Variants in PLEKHA5 observed in about 807,000 individuals in gnomAD.
PLEKHA5 encodes the protein pleckstrin homology domain containing A5, also known as pleckstrin homology domain-containing family A member 5.
PLEKHA5 carries 55 observed loss-of-function variants against 181.9 expected under a neutral mutation model. The observed-to-expected ratio is 0.30, with a 90% CI of 0.24 to 0.38. The LOEUF (loss-of-function observed/expected upper bound fraction) is 0.38. PLEKHA5 is among the 10% of genes least tolerant of loss of function. The pLI is 1.00. For synonymous variants in PLEKHA5, 535 were observed against 529.4 expected (o/e 1.01, Z -0.15); for missense variants, 1,432 against 1,549.5 (o/e 0.92, Z 1.27).
intron 16 of PLEKHA5, among the ~76,000 whole-genome samples, chr12:19,315,155 T>C (rs920323653): frequency 5.9e-5 from 9 of 152,202 alleles, no homozygotes; most frequent in Non-Finnish European, 8.8e-5. Flanking sequence ...TTGATTGATA[T>C]GTACTTGGAG....
chr12:19,225,078 T>C (rs1391329791), intron 3 of PLEKHA5, among the ~76,000 whole-genome samples: 1 of 152,146 alleles, frequency 6.6e-6, no homozygotes, highest in Admixed American at 6.5e-5. Context: ...TTTAAGACAA[T>C]GAAGGACAGA....
chr12:19,205,554 T>G (rs1322866602), intron 3 of PLEKHA5: 1 of 166,852 alleles, frequency 6.0e-6, no homozygotes, highest in Non-Finnish European at 1.2e-5. Flanking sequence ...TGAAGCTTTA[T>G]GTAGCAAGCA....
chr12:19,228,354 C>T (rs2059974015), intron 3 of PLEKHA5, among the ~76,000 whole-genome samples: 1 of 152,202 alleles, frequency 6.6e-6, no homozygotes, highest in Non-Finnish European at 1.5e-5. Flanking sequence ...AATATATTTG[C>T]ATCATGACTT....
chr12:19,211,490 G>GGAAGCCAAGGCATGCA (rs2056891212), intron 3 of PLEKHA5, among the ~76,000 whole-genome samples: 1 of 152,204 alleles, frequency 6.6e-6, no homozygotes, highest in South Asian at 2.1e-4. Context: ...TGCAGAAGCT[G>GGAAGCCAAGGCATGCA]GAAGAGGCGA....
chr12:19,369,591 C>G (rs1266706920), intron 30 of PLEKHA5, 102 bp from the exon 31 acceptor site: 3 of 639,930 alleles, frequency 4.7e-6, no homozygotes, highest in Non-Finnish European at 8.2e-6. Context: ...ACTTCCTTCT[C>G]AAAACATGTT....
At chr12:19,248,156 G>A (rs2064268100) in intron 3 of PLEKHA5, among the ~76,000 whole-genome samples, 2 of 152,178 alleles carry the variant, frequency 1.3e-5, no homozygotes, top group African/African-American at 4.8e-5. Flanking sequence ...TTGGGAGGTT[G>A]AGGCTGCAGA....
chr12:19,247,847 C>T (rs1021450559), intron 3 of PLEKHA5, among the ~76,000 whole-genome samples: 5 of 151,216 alleles, frequency 3.3e-5, no homozygotes. Context: ...GTAAATATGA[C>T]CTGTTTTCTT....
intron 26 of PLEKHA5, among the ~76,000 whole-genome samples, chr12:19,354,336 G>A (rs1390815216): frequency 7.5e-6 from 1 of 133,390 alleles, no homozygotes; most frequent in Non-Finnish European, 1.6e-5. Context: ...TGTATTTTTA[G>A]TAGAGACGGG....
intron 25 of PLEKHA5, among the ~76,000 whole-genome samples, chr12:19,353,622 T>G (rs112831706): frequency 0.013 from 1,952 of 152,030 alleles, 33 homozygotes; most frequent in African/African-American, 0.045. Flanking sequence ...ACCACGCCCA[T>G]CTAATTTTGT....
In PLEKHA5 at chr12:19,283,730, G is replaced by A. The variant is rs377022636; in HGVS notation, c.1764G>A (p.Arg588=). The A allele has an allele frequency of 5.5e-5, 89 of 1,611,148 alleles. No homozygotes were observed. In the African/African-American group the frequency reaches 1.1e-3, roughly 21 times the overall value. ...ATGTGACAATAGACCGCAGACACAGGGCCCATCACCCTAAGGTAAAATAGC... is the reference window on the plus strand; with the variant it reads ...ATGTGACAATAGACCGCAGACACAGAGCCCATCACCCTAAGGTAAAATAGC... ...RGDVTIDRRH[R]AHHPKHVYVP... is the part of the protein sequence containing the mutation. The change falls in exon 12 of 32, where the codon AGG becomes AGA. Residue 588 remains arginine, a synonymous_variant. Transcript: ENST00000429027.
chr12:19,165,127 G>T (rs1229856937), intron 3 of PLEKHA5, among the ~76,000 whole-genome samples: 1 of 151,730 alleles, frequency 6.6e-6, no homozygotes, highest in Non-Finnish European at 1.5e-5. Flanking sequence ...TTATATAGAA[G>T]ACCTTAAGAG....
intron 26 of PLEKHA5, among the ~76,000 whole-genome samples, chr12:19,354,364 A>G (rs1343695350): frequency 1.2e-4 from 17 of 146,690 alleles, no homozygotes; most frequent in Admixed American, 2.7e-4. Flanking sequence ...CGTGTTAGCC[A>G]GGATGGTCTC....
chr12:19,291,252 A>G (rs2078360250), intron 14 of PLEKHA5, among the ~76,000 whole-genome samples: 1 of 152,214 alleles, frequency 6.6e-6, no homozygotes, highest in African/African-American at 2.4e-5. Context: ...TTTTTAATGA[A>G]AAGAACGAAC....
chr12:19,227,111 T>A (rs16915232), intron 3 of PLEKHA5, among the ~76,000 whole-genome samples: 28,235 of 152,082 alleles, frequency 0.19, 2,756 homozygotes, highest in African/African-American at 0.26. Context: ...GTTTTCAGTT[T>A]CTTAATACAC....
chr12:19,289,603 A>T (rs1036201297), intron 13 of PLEKHA5, among the ~76,000 whole-genome samples: 1 of 152,188 alleles, frequency 6.6e-6, no homozygotes, highest in African/African-American at 2.4e-5. Flanking sequence ...CAATGATCAT[A>T]CTTTACTGTA....
At chr12:19,259,623 C>T (rs534727763) in intron 6 of PLEKHA5, among the ~76,000 whole-genome samples, 11 of 151,702 alleles carry the variant, frequency 7.3e-5, no homozygotes, top group Non-Finnish European at 1.5e-4. Context: ...TAGTGGTGCA[C>T]GACTGTAATC....
chr12:19,211,150 A>G (rs966276478), intron 3 of PLEKHA5, among the ~76,000 whole-genome samples: 4 of 152,162 alleles, frequency 2.6e-5, no homozygotes, highest in Admixed American at 6.6e-5. Context: ...AAAGATATGA[A>G]TAAGATAGAG....
At chr12:19,319,866 C>T (rs1433123563) in intron 16 of PLEKHA5, 155 bp from the exon 17 acceptor site, 3 of 490,182 alleles carry the variant, frequency 6.1e-6, no homozygotes, top group Non-Finnish European at 1.1e-5. Flanking sequence ...TAATTCCTTA[C>T]AATATAGTAA....
chr12:19,212,842 T>G (rs571022490), intron 3 of PLEKHA5, among the ~76,000 whole-genome samples: 575 of 151,372 alleles, frequency 3.8e-3, no homozygotes, highest in African/African-American at 8.9e-3. Flanking sequence ...GTTGTTTTTT[T>G]TTTTTTTTTA....
Sources: allele counts gnomAD v4.1 joint callset (sites outside exome capture counted in the v4.1 genomes callset), GRCh38; gene constraint gnomAD v4.1.1; transcripts MANE v1.5; gene names NCBI Gene and HGNC (gene_info 2026-07-23, HGNC 2026-07-21).